SPATA6: variants seen among roughly 807,000 people sequenced by gnomAD.
SPATA6 encodes the protein spermatogenesis-associated protein 6.
A neutral mutation model predicts 65.3 loss-of-function variants in SPATA6; 56 were observed. The observed-to-expected ratio is 0.86, with a 90% CI of 0.69 to 1.07. The LOEUF is 1.07. SPATA6 is among the 50% of genes least tolerant of loss of function. The pLI is 0.00. For synonymous variants in SPATA6, 199 were observed against 213.2 expected (o/e 0.93, Z 0.58); for missense variants, 590 against 594.8 (o/e 0.99, Z 0.08).
intron 11 of SPATA6, among the ~76,000 whole-genome samples, chr1:48,333,431 T>C (rs1645971537): frequency 2.0e-5 from 3 of 152,176 alleles, no homozygotes; most frequent in Admixed American, 6.5e-5. Flanking sequence ...ACTACTGGCT[T>C]CCTTGCTCCT....
chr1:48,290,209 A>C, the SPATA6 span, among the ~76,000 whole-genome samples: 3 of 152,214 alleles, frequency 2.0e-5, no homozygotes, highest in African/African-American at 7.2e-5. Context: ...ATTCTTAAAG[A>C]AAAGAATTTT....
intron 5 of SPATA6, among the ~76,000 whole-genome samples, chr1:48,409,599 C>T (rs1652025240): frequency 1.3e-5 from 2 of 152,262 alleles, no homozygotes; most frequent in African/African-American, 4.8e-5. Flanking sequence ...TCTCCATGAG[C>T]ACCTCGCCCC....
the SPATA6 span, among the ~76,000 whole-genome samples, chr1:48,265,973 C>T: frequency 4.3e-4 from 65 of 152,236 alleles, no homozygotes; most frequent in African/African-American, 1.5e-3. Flanking sequence ...TCCAATTATG[C>T]ATGGTGAGTA....
chr1:48,444,014 A>G (rs1333417250), intron 3 of SPATA6, among the ~76,000 whole-genome samples: 5 of 151,928 alleles, frequency 3.3e-5, no homozygotes, highest in African/African-American at 7.3e-5. Flanking sequence ...TCCTTTCTTC[A>G]CCCCATCCAG....
intron 11 of SPATA6, among the ~76,000 whole-genome samples, chr1:48,332,659 C>G (rs879166776): frequency 1.3e-5 from 2 of 152,154 alleles, no homozygotes; most frequent in African/African-American, 2.4e-5. Context: ...CAGTATTAGA[C>G]AGATAACTGA....
chr1:48,449,466 C>G (rs1399888696), intron 3 of SPATA6, among the ~76,000 whole-genome samples: 2 of 152,150 alleles, frequency 1.3e-5, no homozygotes, highest in Non-Finnish European at 2.9e-5. Context: ...ACCTCTATGT[C>G]TAATTATCAG....
intron 11 of SPATA6, among the ~76,000 whole-genome samples, chr1:48,353,110 GAAT>G (rs1646558051): frequency 6.6e-6 from 1 of 151,628 alleles, no homozygotes; most frequent in African/African-American, 2.4e-5. Flanking sequence ...AAGAAAGAAT[GAAT>G]AATAATATGT....
the SPATA6 span, among the ~76,000 whole-genome samples, chr1:48,288,103 G>T: frequency 1.3e-5 from 2 of 152,124 alleles, no homozygotes; most frequent in Non-Finnish European, 2.9e-5. Context: ...ATCTCACATT[G>T]ATTTATTTTT....
intron 11 of SPATA6, among the ~76,000 whole-genome samples, chr1:48,348,876 T>C (rs901733882): frequency 6.6e-6 from 1 of 152,026 alleles, no homozygotes; most frequent in African/African-American, 2.4e-5. Context: ...GGCTTCTTTG[T>C]ACATTCTTTT....
intron 11 of SPATA6, among the ~76,000 whole-genome samples, chr1:48,318,215 G>C (rs945476136): frequency 2.6e-5 from 4 of 152,026 alleles, no homozygotes; most frequent in African/African-American, 9.7e-5. Flanking sequence ...TCTAAGATCA[G>C]GAATAAAACA....
At chr1:48,462,992 C>T (rs1657560631) in intron 1 of SPATA6, among the ~76,000 whole-genome samples, 1 of 152,158 alleles carries the variant, frequency 6.6e-6, no homozygotes, top group African/African-American at 2.4e-5. Flanking sequence ...GCTCTCTCTC[C>T]TTGAGCTCGG....
At chr1:48,267,319 C>G in the SPATA6 span, among the ~76,000 whole-genome samples, 56 of 152,304 alleles carry the variant, frequency 3.7e-4, no homozygotes, top group African/African-American at 1.3e-3. Flanking sequence ...TTCAGTTTTG[C>G]CATCTGCAGG....
chr1:48,363,107 C>T (rs1376791289), intron 9 of SPATA6, among the ~76,000 whole-genome samples: 4 of 152,038 alleles, frequency 2.6e-5, no homozygotes, highest in African/African-American at 9.7e-5. Context: ...GGGAACACAG[C>T]TTGAATGTAT....
intron 12 of SPATA6, 148 bp downstream of exon 12, chr1:48,305,639 G>A (rs779544045): frequency 1.3e-5 from 7 of 533,804 alleles, no homozygotes; most frequent in Non-Finnish European, 2.1e-5. Flanking sequence ...TTTCAGTAAT[G>A]CAAACATTAA....
chr1:48,334,632 TTCAAAACAG>T (rs1646009272), intron 11 of SPATA6, among the ~76,000 whole-genome samples: 1 of 152,036 alleles, frequency 6.6e-6, no homozygotes, highest in Non-Finnish European at 1.5e-5. Context: ...AGGAATATAG[TTCAAAACAG>T]TAAGAGCCAT....
intron 11 of SPATA6, among the ~76,000 whole-genome samples, chr1:48,344,615 T>C (rs1463607111): frequency 6.6e-6 from 1 of 152,156 alleles, no homozygotes; most frequent in African/African-American, 2.4e-5. Context: ...CTTGTTGGTA[T>C]GCTGTCTTCA....
At chr1:48,332,813 C>T (rs1447437713) in intron 11 of SPATA6, among the ~76,000 whole-genome samples, 2 of 152,094 alleles carry the variant, frequency 1.3e-5, no homozygotes, top group East Asian at 1.9e-4. Context: ...TAAGATCAGC[C>T]ATGCAATAAG....
At chr1:48,396,999 T>C (rs761327028) in intron 7 of SPATA6, among the ~76,000 whole-genome samples, 1 of 151,704 alleles carries the variant, frequency 6.6e-6, no homozygotes, top group Non-Finnish European at 1.5e-5. Flanking sequence ...ATGTGGTATA[T>C]AGTCTTACAA....
chr1:48,450,764 T>C lies in SPATA6; in HGVS notation c.238+788A>G, dbSNP rs565657351. 1.7e-4 allele frequency among the ~76,000 whole-genome samples: 26 copies of C among 152,302 alleles called. No individual in the cohort carries two copies. The East Asian group carries it at 4.8e-3, about 28-fold the overall frequency. On this transcript the variant is annotated intron_variant, in intron 3 of 12. Transcript: ENST00000371847. ...CTTCTTCCCTCTAATACTCAGATTCTTGCATGTTCCAGGCTACATGTTTCT... is the reference window on the plus strand; with the variant it reads ...CTTCTTCCCTCTAATACTCAGATTCCTGCATGTTCCAGGCTACATGTTTCT...
Sources: allele counts gnomAD v4.1 joint callset (sites outside exome capture counted in the v4.1 genomes callset), GRCh38; gene constraint gnomAD v4.1.1; transcripts MANE v1.5; gene names NCBI Gene and HGNC (gene_info 2026-07-23, HGNC 2026-07-21).